CAPN2: variants seen among roughly 807,000 people sequenced by gnomAD.
CAPN2 encodes the protein calpain-2 catalytic subunit.
In CAPN2, 92 loss-of-function variants were observed where a neutral mutation model predicts 102.3. The ratio of observed to expected loss-of-function variants is 0.90; its 90% CI spans 0.76 to 1.07. CAPN2 has a LOEUF of 1.07. CAPN2 is among the 50% of genes least tolerant of loss of function. The pLI is 0.00. For missense variants in CAPN2, 800 were observed against 909.4 expected (o/e 0.88, Z 1.55); for synonymous variants, 340 against 355.4 (o/e 0.96, Z 0.49).
chr1:223,722,937 T>C (rs977386823), intron 2 of CAPN2, among the ~76,000 whole-genome samples: 4 of 152,216 alleles, frequency 2.6e-5, no homozygotes, highest in African/African-American at 9.7e-5. Context: ...GCTGTGACAG[T>C]CTCTCAAGTC....
chr1:223,752,329 G>A (rs1660924207), intron 8 of CAPN2, among the ~76,000 whole-genome samples: 1 of 152,180 alleles, frequency 6.6e-6, no homozygotes, highest in Non-Finnish European at 1.5e-5. Context: ...AATTCCTTTG[G>A]TAATGTTCAG....
chr1:223,748,307 G>A (rs896675599), intron 5 of CAPN2, among the ~76,000 whole-genome samples: 7 of 152,224 alleles, frequency 4.6e-5, no homozygotes, highest in African/African-American at 1.4e-4. Flanking sequence ...GGGGGACAGA[G>A]ATAAGAAGCC....
intron 2 of CAPN2, among the ~76,000 whole-genome samples, chr1:223,728,501 A>G (rs1353002217): frequency 6.6e-6 from 1 of 152,174 alleles, no homozygotes; most frequent in Admixed American, 6.5e-5. Flanking sequence ...TATCCTATTC[A>G]TTGAGATCAA....
At chr1:223,730,205 A>G (rs10916646) in intron 2 of CAPN2, among the ~76,000 whole-genome samples, 118,081 of 151,782 alleles carry the variant, frequency 0.78, 47,155 homozygotes, top group Admixed American at 0.87. Context: ...TGCTCAGCTA[A>G]TCTCTTCAGG....
At chr1:223,747,205 T>G in intron 5 of CAPN2, 40 bp downstream of exon 5, 1 of 1,553,378 alleles carries the variant, frequency 6.4e-7, no homozygotes, top group Non-Finnish European at 8.8e-7. Context: ...CCCCATCTGC[T>G]CTTGCTGAAG....
chr1:223,742,708 A>T (rs1267521481), intron 2 of CAPN2, among the ~76,000 whole-genome samples: 2 of 151,692 alleles, frequency 1.3e-5, no homozygotes, highest in Non-Finnish European at 2.9e-5. Flanking sequence ...TTTTGTCGAG[A>T]CAAAGTTTTA....
chr1:223,746,710 C>T (rs1003485761), intron 4 of CAPN2, among the ~76,000 whole-genome samples: 3 of 152,102 alleles, frequency 2.0e-5, no homozygotes, highest in Admixed American at 2.0e-4. Flanking sequence ...GAACTCCTGA[C>T]CTCAAGTGAT....
In CAPN2 at chr1:223,775,345, G is replaced by GGAAACATGGTATA. The variant is rs1217479591; in HGVS notation, c.*489_*501dup. On this transcript the variant is annotated 3_prime_UTR_variant, in exon 21 of 21. Coordinates refer to ENST00000295006, the MANE Select transcript of CAPN2 (RefSeq NM_001748.5). ...ATTACCATTTCCCATGAGCCAACTG[G>GGAAACATGGTATA]GAAACATGGTATATCATGAAGTAAT... 6.2e-6 allele frequency: 1 copy of GGAAACATGGTATA among 160,306 alleles called. No homozygotes were observed. Among genetic ancestry groups the GGAAACATGGTATA allele is most frequent in the Non-Finnish European group, 1.4e-5 (1 of 73,298 alleles). 9.9% of individuals were successfully genotyped at this position (160,306 alleles called of 1,614,324 possible).
At chr1:223,705,993 A>T (rs755850415) in intron 1 of CAPN2, among the ~76,000 whole-genome samples, 5 of 152,200 alleles carry the variant, frequency 3.3e-5, no homozygotes, top group Non-Finnish European at 7.3e-5. Flanking sequence ...ATAAGACTAC[A>T]TGTATTATTA....
At chr1:223,710,998 G>A (rs983292142), upstream of CAPN2, among the ~76,000 whole-genome samples, 2 of 152,122 alleles carry the variant, frequency 1.3e-5, no homozygotes, top group African/African-American at 2.4e-5. Flanking sequence ...CTTCAACCAT[G>A]GCAAAAGAAA....
intron 15 of CAPN2, 116 bp downstream of exon 15, chr1:223,764,323 T>TC (rs1661260628): frequency 1.2e-6 from 1 of 816,928 alleles, no homozygotes; most frequent in Admixed American, 1.8e-5. Context: ...CCACCCTCCA[T>TC]CCCCTCCAAG....
At chr1:223,733,182 C>A (rs1319211559) in intron 2 of CAPN2, among the ~76,000 whole-genome samples, 3 of 152,112 alleles carry the variant, frequency 2.0e-5, no homozygotes, top group African/African-American at 7.2e-5. Context: ...TCAGGTGTGC[C>A]TCAGCCCAGC....
rs1337374186 is a variant in CAPN2, at chr1:223,744,018, C to T, written c.308-82C>T. The T allele has an allele frequency of 1.4e-5, 13 of 912,554 alleles. No homozygotes were observed. In the Admixed American group the frequency reaches 2.3e-4, roughly 16 times the overall value. 56.5% of individuals were successfully genotyped at this position (912,554 alleles called of 1,614,324 possible). A position where few individuals can be genotyped will look rare whatever the true frequency, so the allele number is the denominator to read the frequency against. On this transcript the variant is annotated intron_variant, in intron 2 of 20. Transcript: ENST00000295006. ...TTCACAGGTTGTCTTAGGCTTTAAG[C>T]CCCTGGAGGTGGAGACAAGATTTTT...
chr1:223,723,347 T>C (rs1185471217), intron 2 of CAPN2, among the ~76,000 whole-genome samples: 1 of 152,126 alleles, frequency 6.6e-6, no homozygotes, highest in Non-Finnish European at 1.5e-5. Flanking sequence ...AATAAATAAG[T>C]ACCCATGTAG....
intron 16 of CAPN2, among the ~76,000 whole-genome samples, chr1:223,769,239 G>GGGGGAGAAT (rs1160640481): frequency 8.5e-5 from 13 of 152,196 alleles, no homozygotes; most frequent in African/African-American, 3.1e-4. Context: ...CCCCCCTCCA[G>GGGGGAGAAT]CCTCCCTAGT....
At position 223,755,700 on chromosome 1, in the gene CAPN2, C is replaced by A. The variant is rs1264037215; in HGVS notation, c.1305+51C>A. ...TCCCTTCCCCATGTGTTCATCTCAGCCCCTGCATGGAAAGCTGACCCCAGA... is the reference window on the plus strand; with the variant it reads ...TCCCTTCCCCATGTGTTCATCTCAGACCCTGCATGGAAAGCTGACCCCAGA... On this transcript the variant is annotated intron_variant, in intron 10 of 20. Coordinates refer to ENST00000295006, the MANE Select transcript of CAPN2 (RefSeq NM_001748.5). The surrounding 1 kb of genome is among the most constrained non-coding windows in gnomAD (Gnocchi z 4.1). 6.8e-7 allele frequency: 1 copy of A among 1,477,270 alleles called. No individual in the cohort carries two copies. Among genetic ancestry groups the A allele is most frequent in the Admixed American group, 2.3e-5 (1 of 43,880 alleles). 91.5% of individuals were successfully genotyped at this position (1,477,270 alleles called of 1,614,324 possible).
At chr1:223,746,902 G>A in intron 4 of CAPN2, 95 bp from the exon 5 acceptor site, 2 of 1,072,878 alleles carry the variant, frequency 1.9e-6, no homozygotes, top group South Asian at 2.4e-5. Context: ...GGTCCCTGGA[G>A]CATCAAATCT....
chr1:223,743,268 C>T (rs1660669377), intron 2 of CAPN2, among the ~76,000 whole-genome samples: 1 of 152,196 alleles, frequency 6.6e-6, no homozygotes, highest in Non-Finnish European at 1.5e-5. Flanking sequence ...TTGAAGTGAC[C>T]TCTGCCCCTC....
At chr1:223,771,409 A>G in intron 18 of CAPN2, 1 of 164,006 alleles carries the variant, frequency 6.1e-6, no homozygotes, top group Non-Finnish European at 1.3e-5. Context: ...TTACTCTGGA[A>G]GGAGAGAGAA....
Sources: allele counts gnomAD v4.1 joint callset (sites outside exome capture counted in the v4.1 genomes callset), GRCh38; gene constraint gnomAD v4.1.1; non-coding constraint Gnocchi (gnomAD v3.1); transcripts MANE v1.5; gene names NCBI Gene and HGNC (gene_info 2026-07-23, HGNC 2026-07-21).